TMTC1: variants seen among roughly 807,000 people sequenced by gnomAD.
TMTC1 encodes the protein protein O-mannosyl-transferase TMTC1.
In TMTC1, 73 loss-of-function variants were observed where a neutral mutation model predicts 104.8. That is an observed-to-expected ratio of 0.70 (90% confidence interval 0.58 to 0.85). The LOEUF (loss-of-function observed/expected upper bound fraction) is 0.85. Among genes scored for constraint, TMTC1 ranks in the 40% least tolerant of loss-of-function variants. The pLI is 0.00. For synonymous variants in TMTC1, 434 were observed against 428.7 expected (o/e 1.01, Z -0.15); for missense variants, 1,035 against 1,096.1 (o/e 0.94, Z 0.79).
intron 9 of TMTC1, among the ~76,000 whole-genome samples, chr12:29,564,358 T>C (rs1945453298): frequency 6.6e-6 from 1 of 151,872 alleles, no homozygotes; most frequent in African/African-American, 2.4e-5. Context: ...AAAGCAAAGA[T>C]TGAGAAGAGA....
rs572841122 is a variant in TMTC1, at chr12:29,741,126, T to G, written c.938+10540A>C. 5.9e-5 allele frequency among the ~76,000 whole-genome samples: 9 copies of G among 152,306 alleles called. No individual in the cohort carries two copies. The South Asian group carries it at 1.9e-3, about 32-fold the overall frequency. Reference sequence around the variant, plus strand: ...TACATTATGATTATTGAAGACAAAATACATAAAACACAAAACTTAATCTTT... The same window carrying G: ...TACATTATGATTATTGAAGACAAAAGACATAAAACACAAAACTTAATCTTT... On this transcript the variant is annotated intron_variant, in intron 5 of 17. Coordinates refer to ENST00000539277, the MANE Select transcript of TMTC1 (RefSeq NM_001193451.2).
chr12:29,512,257 T>C (rs1943860893), intron 16 of TMTC1, 137 bp from the exon 17 acceptor site: 1 of 595,768 alleles, frequency 1.7e-6, no homozygotes, highest in Non-Finnish European at 2.9e-6. Flanking sequence ...CAGGAGACCC[T>C]GCTTATTTCT....
At chr12:29,747,195 A>G (rs1465671868) in intron 5 of TMTC1, among the ~76,000 whole-genome samples, 4 of 152,194 alleles carry the variant, frequency 2.6e-5, no homozygotes, top group South Asian at 2.1e-4. Flanking sequence ...TTCATTTAGA[A>G]TTCACTGGGC....
intron 1 of TMTC1, among the ~76,000 whole-genome samples, chr12:29,781,709 T>C (rs547970229): frequency 1.3e-5 from 2 of 152,214 alleles, no homozygotes; most frequent in South Asian, 4.1e-4. Context: ...GTGCCAGTAG[T>C]AGTTCCAGCT....
At position 29,506,272 on chromosome 12, in the gene TMTC1, AG is replaced by A. The variant is rs1943692297; in HGVS notation, c.*573del. The A allele has an allele frequency of 6.6e-6, 1 of 152,462 alleles. No individual in the cohort carries two copies. The allele number at this position is 152,462 out of a possible 1,614,324, so 9.4% of individuals were successfully genotyped here. On this transcript the variant is annotated 3_prime_UTR_variant, in exon 18 of 18. Transcript: ENST00000539277. ...AAAAAGCACTAGTAAAACTCTTAGG[AG>A]GATATTAGATAAAGCTCACTTAGCA... is the stretch of plus-strand genomic sequence containing the variant.
chr12:29,654,298 G>A (rs1180940316), intron 5 of TMTC1, among the ~76,000 whole-genome samples: 2 of 152,132 alleles, frequency 1.3e-5, no homozygotes, highest in Admixed American at 6.6e-5. Context: ...CTCCATCAAC[G>A]TAGTTCCAAA....
chr12:29,618,207 C>A (rs1371970345), intron 6 of TMTC1, among the ~76,000 whole-genome samples: 2 of 152,104 alleles, frequency 1.3e-5, no homozygotes, highest in Admixed American at 1.3e-4. Context: ...AATTTTGGCT[C>A]AGGCAACTAG....
chr12:29,709,950 G>A (rs1455959335), intron 5 of TMTC1, among the ~76,000 whole-genome samples: 1 of 152,074 alleles, frequency 6.6e-6, no homozygotes, highest in Admixed American at 6.6e-5. Context: ...ACCATCATTT[G>A]AGAGAAAATA....
intron 3 of TMTC1, among the ~76,000 whole-genome samples, chr12:29,756,354 C>T (rs566348020): frequency 6.6e-5 from 10 of 152,230 alleles, no homozygotes; most frequent in East Asian, 1.9e-4. Context: ...GGGGATTAAA[C>T]GAATGACTTG....
intron 5 of TMTC1, among the ~76,000 whole-genome samples, chr12:29,751,398 T>C (rs1943086596): frequency 1.3e-5 from 2 of 152,106 alleles, no homozygotes; most frequent in South Asian, 4.2e-4. Flanking sequence ...CATCTTCTGA[T>C]GCCTGAGGCT....
At chr12:29,754,160 C>T (rs1041939946) in intron 4 of TMTC1, among the ~76,000 whole-genome samples, 1 of 139,234 alleles carries the variant, frequency 7.2e-6, no homozygotes, top group Non-Finnish European at 1.5e-5. Flanking sequence ...CCACCACGCC[C>T]AGCCTAAAAG....
rs910378415 is a variant in TMTC1 at position 29,656,243 on chromosome 12, AAG to A, written c.939-22909_939-22908del. On this transcript the variant is annotated intron_variant, in intron 5 of 17. Coordinates refer to ENST00000539277, the MANE Select transcript of TMTC1 (RefSeq NM_001193451.2). ...TAGAGACCATTTTCTAGGTGCTCAAAAGAGTCAATTCTAATGTGGCCACCTCA... is the reference window on the plus strand; with the variant it reads ...TAGAGACCATTTTCTAGGTGCTCAAAAGTCAATTCTAATGTGGCCACCTCA... 3.7e-4 allele frequency among the ~76,000 whole-genome samples: 56 copies of A among 152,080 alleles called. 1 individual carries two copies. Among genetic ancestry groups the A allele is most frequent in the African/African-American group, 1.3e-3 (56 of 41,506 alleles).
intron 7 of TMTC1, among the ~76,000 whole-genome samples, chr12:29,594,713 A>G (rs1946364180): frequency 6.6e-6 from 1 of 152,214 alleles, no homozygotes; most frequent in Non-Finnish European, 1.5e-5. Context: ...TCCTCCCCGC[A>G]AAGTTACGGC....
chr12:29,560,436 A>C (rs1945348651), intron 9 of TMTC1, among the ~76,000 whole-genome samples: 1 of 152,138 alleles, frequency 6.6e-6, no homozygotes, highest in Non-Finnish European at 1.5e-5. Context: ...TCTGGGGTAC[A>C]AATAAGCTTA....
At chr12:29,678,195 CA>C (rs1940795667) in intron 5 of TMTC1, among the ~76,000 whole-genome samples, 1 of 152,276 alleles carries the variant, frequency 6.6e-6, no homozygotes, top group East Asian at 1.9e-4. Flanking sequence ...ACTAATATTT[CA>C]AACTCACAAT....
At chr12:29,513,010 G>A (rs926495179) in intron 16 of TMTC1, among the ~76,000 whole-genome samples, 1 of 152,112 alleles carries the variant, frequency 6.6e-6, no homozygotes, top group Non-Finnish European at 1.5e-5. Context: ...GGGAAAGAAA[G>A]AAATGTTATG....
chr12:29,654,633 T>C (rs1012110747), intron 5 of TMTC1, among the ~76,000 whole-genome samples: 3 of 151,554 alleles, frequency 2.0e-5, no homozygotes, highest in African/African-American at 7.3e-5. Context: ...AAAACATACA[T>C]CTACACAAAA....
At chr12:29,765,638 C>A (rs1943445819) in intron 2 of TMTC1, among the ~76,000 whole-genome samples, 1 of 151,880 alleles carries the variant, frequency 6.6e-6, no homozygotes, top group Admixed American at 6.6e-5. Flanking sequence ...CTTGATATAT[C>A]ATAAATAAAA....
chr12:29,689,332 A>G (rs539685897), intron 5 of TMTC1, among the ~76,000 whole-genome samples: 6 of 151,448 alleles, frequency 4.0e-5, no homozygotes, highest in South Asian at 4.2e-4. Flanking sequence ...CCCAGGCTGG[A>G]GTGCAGTGGT....
Sources: gnomAD v4.1 joint callset for allele counts (sites outside exome capture counted in the v4.1 genomes callset) on GRCh38, gnomAD v4.1.1 for gene constraint, MANE v1.5 for transcripts, NCBI Gene and HGNC (gene_info 2026-07-23, HGNC 2026-07-21) for gene names.